Variants in COL11A1 observed in about 807,000 individuals in gnomAD.
COL11A1 encodes collagen alpha-1(XI) chain.
In COL11A1, 74 loss-of-function variants were observed where a neutral mutation model predicts 265.2. The ratio of observed to expected loss-of-function variants is 0.28; its 90% CI spans 0.23 to 0.34. COL11A1 has a LOEUF of 0.34. COL11A1 is among the 10% of genes least tolerant of loss of function. The pLI is 1.00. For synonymous variants in COL11A1, 816 were observed against 727.6 expected, an observed-to-expected ratio of 1.12 and a Z score of -1.96; for missense variants, 2,165 against 2,263.6, an observed-to-expected ratio of 0.96 and a Z score of 0.88.
At chr1:103,027,185 TAGAG>T (rs1667586654) in intron 5 of COL11A1, among the ~76,000 whole-genome samples, 1 of 150,978 alleles carries the variant, frequency 6.6e-6, no homozygotes, top group African/African-American at 2.4e-5. Flanking sequence ...TGTTTCTTAA[TAGAG>T]GGAGTTAAAA....
intron 1 of COL11A1, among the ~76,000 whole-genome samples, chr1:103,085,640 C>T (rs1228949574): frequency 3.9e-5 from 6 of 152,098 alleles, no homozygotes; most frequent in Admixed American, 6.5e-5. Context: ...CAAAAACAAG[C>T]AAAACATTCA....
At chr1:103,090,061 T>C (rs1034399050) in intron 1 of COL11A1, among the ~76,000 whole-genome samples, 4 of 150,196 alleles carry the variant, frequency 2.7e-5, no homozygotes, top group South Asian at 2.1e-4. Flanking sequence ...GAGGCAGAGG[T>C]TGCAGCGAGC....
In COL11A1 at chr1:103,004,141, C is replaced by T. The variant is rs571009606; in HGVS notation, c.1944+303G>A. 3.2e-4 allele frequency among the ~76,000 whole-genome samples: 49 copies of T among 151,924 alleles called. 1 individual carries two copies. In the South Asian group the frequency reaches 8.3e-3, roughly 26 times the overall value. On this transcript the variant is annotated intron_variant, in intron 20 of 66. Transcript: ENST00000370096. Reference sequence around the variant, plus strand: ...TCATTTCTTCTCAGTACATAAATTTCGGAGCTATTGATGACAGCACAAAAA... The same window carrying T: ...TCATTTCTTCTCAGTACATAAATTTTGGAGCTATTGATGACAGCACAAAAA...
At position 102,934,366 on chromosome 1, in the gene COL11A1, A is replaced by C. The variant is rs917355477; in HGVS notation, c.3600+83T>G. The C allele has an allele frequency of 1.7e-5, 17 of 1,003,074 alleles. No individual in the cohort carries two copies. In the East Asian group the frequency reaches 4.0e-4, roughly 24 times the overall value. 62.1% of individuals were successfully genotyped at this position (1,003,074 alleles called of 1,614,324 possible). A position where few individuals can be genotyped will look rare whatever the true frequency, so the allele number is the denominator to read the frequency against. ...AGTTCTTACGTAGAAAAAAAGAAAA[A>C]AATACTTTGTTTTACATCCACCAGA... On this transcript the variant is annotated intron_variant, in intron 46 of 66. Coordinates refer to ENST00000370096, the MANE Select transcript of COL11A1 (RefSeq NM_001854.4).
chr1:103,060,690 G>T (rs1380530352), intron 4 of COL11A1, among the ~76,000 whole-genome samples: 1 of 152,052 alleles, frequency 6.6e-6, no homozygotes, highest in Non-Finnish European at 1.5e-5. Context: ...AGCCAGGTGA[G>T]GCGGCACATG....
rs139504614 is a variant in COL11A1, at chr1:102,889,154, A to G, written c.4465-235T>C. 1.2e-4 allele frequency among the ~76,000 whole-genome samples: 18 copies of G among 152,212 alleles called. 1 individual carries two copies. The Middle Eastern group carries it at 0.014, about 115-fold the overall frequency. On this transcript the variant is annotated intron_variant, in intron 59 of 66. Transcript: ENST00000370096. ...AATGAGGTTTTTGTTTTCAATCTAT[A>G]TGTGTTAATGTGTATATTCCTTTAT... is the stretch of plus-strand genomic sequence containing the variant.
At chr1:103,049,074 T>C (rs1454233143) in intron 4 of COL11A1, among the ~76,000 whole-genome samples, 1 of 152,206 alleles carries the variant, frequency 6.6e-6, no homozygotes, top group African/African-American at 2.4e-5. Flanking sequence ...ATGTATATGC[T>C]GTTGATTTGG....
intron 2 of COL11A1, among the ~76,000 whole-genome samples, chr1:103,081,595 C>A (rs1168429787): frequency 6.6e-6 from 1 of 151,732 alleles, no homozygotes; most frequent in African/African-American, 2.4e-5. Context: ...AGTGAACAAT[C>A]AAAATAAATG....
chr1:103,049,441 C>T (rs192058482), intron 4 of COL11A1, among the ~76,000 whole-genome samples: 26 of 152,192 alleles, frequency 1.7e-4, no homozygotes, highest in Admixed American at 1.3e-3. Context: ...TTTCTGTTTT[C>T]GATTTGCTTG....
intron 35 of COL11A1, 26 bp downstream of exon 35, chr1:102,978,682 A>G: frequency 6.2e-7 from 1 of 1,610,762 alleles, no homozygotes; most frequent in Non-Finnish European, 8.5e-7. Context: ...TTTTCATTTT[A>G]TATTATGTGG....
chr1:103,085,732 C>T (rs1672799808), intron 1 of COL11A1, among the ~76,000 whole-genome samples: 2 of 152,086 alleles, frequency 1.3e-5, no homozygotes, highest in Admixed American at 1.3e-4. Context: ...CATTTTTTTG[C>T]ACTAGTCCTG....
intron 11 of COL11A1, among the ~76,000 whole-genome samples, chr1:103,017,579 A>C (rs1666665254): frequency 6.6e-6 from 1 of 152,166 alleles, no homozygotes; most frequent in Non-Finnish European, 1.5e-5. Context: ...TCATATCAAT[A>C]TGGATGTTGG....
chr1:102,945,564 T>C (rs1659179020), intron 42 of COL11A1, among the ~76,000 whole-genome samples: 1 of 152,172 alleles, frequency 6.6e-6, no homozygotes, highest in South Asian at 2.1e-4. Flanking sequence ...AGGAGTATTT[T>C]TGAATATAAG....
intron 46 of COL11A1, among the ~76,000 whole-genome samples, chr1:102,923,640 A>G (rs1656245169): frequency 6.6e-6 from 1 of 152,118 alleles, no homozygotes. Flanking sequence ...TATAATAACT[A>G]AATATTAATT....
At chr1:103,001,227 C>G (rs1665071066) in intron 24 of COL11A1, 1 of 397,250 alleles carries the variant, frequency 2.5e-6, no homozygotes, top group South Asian at 1.3e-4. Context: ...AAATAATTCA[C>G]TTGTACACTT....
intron 3 of COL11A1, 142 bp from the exon 4 acceptor site, chr1:103,074,922 C>T: frequency 1.0e-6 from 1 of 967,980 alleles, no homozygotes; most frequent in Non-Finnish European, 1.6e-6. Context: ...TATTAAGCAG[C>T]CAGTTAACAG....
At position 102,933,739 on chromosome 1, in the gene COL11A1, G is replaced by A. The variant is rs190882583; in HGVS notation, c.3600+710C>T. Among the ~76,000 whole-genome samples the A allele has an allele frequency of 7.6e-3, 1,159 of 152,206 alleles. 21 individuals carry two copies. The highest frequency in any genetic ancestry group is 0.026 in the African/African-American group (1,089 of 41,526). ...TCAGACTGCTGTGCTAGCAATCAGCGAGACTCCGTGGGCGTAGGACCCTCT... is the reference window on the plus strand; with the variant it reads ...TCAGACTGCTGTGCTAGCAATCAGCAAGACTCCGTGGGCGTAGGACCCTCT... On this transcript the variant is annotated intron_variant, in intron 46 of 66. Transcript: ENST00000370096.
In COL11A1 at chr1:103,005,858, G is replaced by A; in HGVS notation, c.1825C>T (p.Pro609Ser). The A allele has an allele frequency of 6.2e-7, 1 of 1,613,828 alleles. No homozygotes were observed. Among genetic ancestry groups the A allele is most frequent in the Non-Finnish European group, 8.5e-7 (1 of 1,179,970 alleles). Residue 609 changes from proline to serine, a missense_variant, in exon 18 of 67, where the codon CCA becomes TCA. By Grantham distance (74) the Pro-to-Ser change is moderately conservative. Transcript: ENST00000370096. ...CTTACCCTGTGACCTTTGTCACCTG[G>A]CAGACCCGGAAGTCCATCAAACCCT... Reference protein sequence around the residue: ...DRGFDGLPGLPGDKGHRGERG... With the variant: ...DRGFDGLPGLSGDKGHRGERG...
intron 4 of COL11A1, among the ~76,000 whole-genome samples, chr1:103,062,796 G>C (rs1014980134): frequency 6.6e-6 from 1 of 151,852 alleles, no homozygotes; most frequent in African/African-American, 2.4e-5. Context: ...AGATGGGGAA[G>C]AGAAAAATTA....
Sources: allele counts gnomAD v4.1 joint callset (sites outside exome capture counted in the v4.1 genomes callset), GRCh38; gene constraint gnomAD v4.1.1; transcripts MANE v1.5; gene names NCBI Gene and HGNC (gene_info 2026-07-23, HGNC 2026-07-21).